SNF8: variants seen among roughly 807,000 people sequenced by gnomAD.
The protein encoded by SNF8 is SNF8 subunit of ESCRT-II.
SNF8 carries 19 observed loss-of-function variants against 36.8 expected under a neutral mutation model. That is an observed-to-expected ratio of 0.52 (90% confidence interval 0.36 to 0.76). SNF8 has a LOEUF of 0.76. SNF8 is among the 30% of genes least tolerant of loss of function. The pLI, the probability that SNF8 is intolerant of heterozygous loss-of-function variation, is 0.00. For synonymous variants in SNF8, 127 were observed against 127.4 expected (o/e 1.00, Z 0.02); for missense variants, 268 against 322.9 (o/e 0.83, Z 1.30).
chr17:48,935,178 C>T (rs1209594951), intron 5 of SNF8, among the ~76,000 whole-genome samples: 2 of 151,988 alleles, frequency 1.3e-5, no homozygotes, highest in Non-Finnish European at 1.5e-5. Flanking sequence ...CAAAACCAGC[C>T]TGGCCAACAA....
At chr17:48,935,490 G>A (rs929640805) in intron 5 of SNF8, among the ~76,000 whole-genome samples, 3 of 149,936 alleles carry the variant, frequency 2.0e-5, no homozygotes, top group African/African-American at 7.4e-5. Context: ...TCCAGCCTGG[G>A]CGACAGAGTG....
intron 1 of SNF8, 150 bp downstream of exon 1, chr17:48,944,531 A>C: frequency 1.1e-6 from 1 of 899,146 alleles, no homozygotes; most frequent in Non-Finnish European, 1.8e-6. Flanking sequence ...CTGCCAATCC[A>C]CCGGAAGCTG....
Position 48,936,155 on chromosome 17 carries a change from G to A in SNF8, c.422+15C>T, listed in dbSNP as rs1389290768. ...CCTCTTTCTGTACTCCAAGGGATTG[G>A]AAGACAAGACCTACTGACTGACATC... On this transcript the variant is annotated intron_variant, in intron 5 of 7. Transcript: ENST00000502492. 11 of 1,602,368 alleles carry A rather than the reference G, an allele frequency of 6.9e-6. No individual in the cohort carries two copies. The highest frequency in any genetic ancestry group is 9.4e-6 in the Non-Finnish European group (11 of 1,169,410).
chr17:48,930,560 T>G lies in SNF8; in HGVS notation c.692A>C (p.Glu231Ala). 6.2e-7 allele frequency: 1 copy of G among 1,613,628 alleles called. No individual in the cohort carries two copies. The highest frequency in any genetic ancestry group is 8.5e-7 in the Non-Finnish European group (1 of 1,179,942). ...GAGAGCTGGCAGCCAGTAGTGGGCCTCCCCTGGGGCCTGTAAGTCCAGCCA... is the reference window on the plus strand; with the variant it reads ...GAGAGCTGGCAGCCAGTAGTGGGCCGCCCCTGGGGCCTGTAAGTCCAGCCA... ...LAWLDLQAPG[E>A]AHYWLPALFT... The change falls in exon 8 of 8, where the codon GAG becomes GCG. Residue 231 changes from glutamate to alanine, a missense_variant. Transcript: ENST00000502492.
chr17:48,929,611 A>G lies in SNF8; in HGVS notation c.*864T>C, dbSNP rs943291064. On this transcript the variant is annotated 3_prime_UTR_variant, in exon 8 of 8. Transcript: ENST00000502492. ...CGTGTGTAGAAAAATGTCTACACAC[A>G]GTATGTGCTGCCATTCTGTACTATG... The G allele has an allele frequency of 2.6e-5, 4 of 152,180 alleles. No homozygotes were observed. The highest frequency in any genetic ancestry group is 5.9e-5 in the Non-Finnish European group (4 of 68,046). 9.4% of individuals were successfully genotyped at this position (152,180 alleles called of 1,614,324 possible).
At chr17:48,937,763 T>C (rs930543401) in intron 3 of SNF8, among the ~76,000 whole-genome samples, 26 of 150,774 alleles carry the variant, frequency 1.7e-4, no homozygotes, top group Non-Finnish European at 3.2e-4. Flanking sequence ...CTGTCTCTAC[T>C]AAAAATACAA....
At chr17:48,942,925 G>T (rs2041051627) in intron 2 of SNF8, among the ~76,000 whole-genome samples, 2 of 144,748 alleles carry the variant, frequency 1.4e-5, no homozygotes, top group Admixed American at 1.4e-4. Context: ...GAGTGCAGTG[G>T]CATGATCCTG....
At chr17:48,937,321 G>C (rs764989118) in intron 3 of SNF8, 197 bp from the exon 4 acceptor site, 5 of 682,070 alleles carry the variant, frequency 7.3e-6, no homozygotes, top group Non-Finnish European at 1.3e-5. Flanking sequence ...GGCTCCAGAG[G>C]GCAGGCAATC....
At chr17:48,934,137 CCT>C (rs2040900579) in intron 5 of SNF8, among the ~76,000 whole-genome samples, 1 of 151,766 alleles carries the variant, frequency 6.6e-6, no homozygotes. Flanking sequence ...GAGTTTAAAA[CCT>C]CTGCCAAAGC....
intron 2 of SNF8, among the ~76,000 whole-genome samples, chr17:48,942,598 TCA>T (rs1204443771): frequency 9.9e-5 from 15 of 152,204 alleles, no homozygotes; most frequent in African/African-American, 3.4e-4. Context: ...CCCCCATCAC[TCA>T]CACACTGTCC....
At position 48,930,555 on chromosome 17, in the gene SNF8, G is replaced by A. The variant is rs2040843002; in HGVS notation, c.697C>T (p.His233Tyr). Reference protein sequence around the residue: ...WLDLQAPGEAHYWLPALFTDL... With the variant: ...WLDLQAPGEAYYWLPALFTDL... The stretch of plus-strand genomic sequence containing the variant: ...GTGAAGAGAGCTGGCAGCCAGTAGT[G>A]GGCCTCCCCTGGGGCCTGTAAGTCC... Residue 233 changes from histidine (H) to tyrosine (Y), a missense_variant, in exon 8 of 8, where the codon CAC (histidine) becomes TAC (tyrosine). By Grantham distance (83) the His-to-Tyr change is moderately conservative. Coordinates refer to ENST00000502492, the MANE Select transcript of SNF8 (RefSeq NM_007241.4). 1.2e-6 allele frequency: 2 copies of A among 1,613,452 alleles called. No individual in the cohort carries two copies. The highest frequency in any genetic ancestry group is 1.1e-5 in the South Asian group (1 of 91,052).
At chr17:48,938,634 T>C (rs940373816) in intron 3 of SNF8, among the ~76,000 whole-genome samples, 8 of 150,700 alleles carry the variant, frequency 5.3e-5, no homozygotes, top group African/African-American at 1.2e-4. Context: ...CTTTGGGAGG[T>C]TGAGAGGGGC....
chr17:48,941,687 A>AT (rs550149781), intron 2 of SNF8, among the ~76,000 whole-genome samples: 35 of 149,636 alleles, frequency 2.3e-4, no homozygotes, highest in African/African-American at 5.4e-4. Flanking sequence ...ATCAATCAAT[A>AT]TTTTTTTTTT....
rs2143826343 is a variant in SNF8 at position 48,944,814 on chromosome 17, G to A, written c.-80C>T. The A allele has an allele frequency of 7.0e-7, 1 of 1,430,624 alleles. No individual in the cohort carries two copies. Among genetic ancestry groups the A allele is most frequent in the Non-Finnish European group, 9.1e-7 (1 of 1,103,544 alleles). The allele number at this position is 1,430,624 out of a possible 1,614,324, so 88.6% of individuals were successfully genotyped here. On this transcript the variant is annotated 5_prime_UTR_variant, in exon 1 of 8. Transcript: ENST00000502492. ...CCGGACTCCGCCGCCGGCTCCCCAA[G>A]GCGGAAGCCCGAGCCGCGCGTCATC...
At chr17:48,944,582 T>G in intron 1 of SNF8, 99 bp downstream of exon 1, 2 of 1,309,556 alleles carry the variant, frequency 1.5e-6, no homozygotes, top group East Asian at 2.4e-5. Flanking sequence ...CAGTCTCAGA[T>G]TCTGTTGGGA....
chr17:48,941,708 TG>T (rs1223661596), intron 2 of SNF8, among the ~76,000 whole-genome samples: 1 of 152,086 alleles, frequency 6.6e-6, no homozygotes, highest in Non-Finnish European at 1.5e-5. Flanking sequence ...TTAATTTTTT[TG>T]AGACAGAATC....
In SNF8 at chr17:48,936,838, C is replaced by G. The variant is rs528635441; in HGVS notation, c.349+182G>C. ...TCTTTGGAGAACAGAGACAATCGTTCAGGTAATTCTATTTACCCTTGGCCA... is the reference window on the plus strand; with the variant it reads ...TCTTTGGAGAACAGAGACAATCGTTGAGGTAATTCTATTTACCCTTGGCCA... On this transcript the variant is annotated intron_variant, in intron 4 of 7. Transcript: ENST00000502492. 12 of 631,782 alleles carry G rather than the reference C, an allele frequency of 1.9e-5. No homozygotes were observed. The East Asian group carries it at 3.2e-4, about 17-fold the overall frequency. The allele number at this position is 631,782 out of a possible 1,614,324, so 39.1% of individuals were successfully genotyped here.
At chr17:48,938,510 A>G (rs2040970919) in intron 3 of SNF8, among the ~76,000 whole-genome samples, 1 of 151,398 alleles carries the variant, frequency 6.6e-6, no homozygotes, top group African/African-American at 2.4e-5. Flanking sequence ...AAAAAAAAAA[A>G]AAAGAAAACA....
chr17:48,930,638 G>A, intron 7 of SNF8, 26 bp from the exon 8 acceptor site: 1 of 1,609,232 alleles, frequency 6.2e-7, no homozygotes, highest in African/African-American at 1.3e-5. Context: ...AAGAAGAGCA[G>A]TTTGAGAACA....
Sources: gnomAD v4.1 joint callset for allele counts (sites outside exome capture counted in the v4.1 genomes callset) on GRCh38, gnomAD v4.1.1 for gene constraint, MANE v1.5 for transcripts, NCBI Gene and HGNC (gene_info 2026-07-23, HGNC 2026-07-21) for gene names.